RGS6: variants seen among roughly 807,000 people sequenced by gnomAD.
RGS6 encodes regulator of G-protein signaling 6.
RGS6 carries 30 observed loss-of-function variants against 78.5 expected under a neutral mutation model. That is an observed-to-expected ratio of 0.38 (90% CI 0.29 to 0.52). RGS6 has a LOEUF of 0.52. Among genes scored for constraint, RGS6 ranks in the 20% least tolerant of loss-of-function variants. The pLI is 0.85. For missense variants in RGS6, 495 were observed against 609.7 expected (o/e 0.81, Z 1.98); for synonymous variants, 206 against 206.0 (o/e 1.00, Z 0.00).
chr14:72,019,406 A>T lies in RGS6; in HGVS notation c.84+54531A>T, dbSNP rs2087859163. Among the ~76,000 whole-genome samples, 3 of 152,166 alleles carry T rather than the reference A, an allele frequency of 2.0e-5. No individual in the cohort carries two copies. In the South Asian group the frequency reaches 6.2e-4, roughly 31 times the overall value. On this transcript the variant is annotated intron_variant, in intron 2 of 17. Coordinates refer to ENST00000553525, the MANE Select transcript of RGS6 (RefSeq NM_001204424.2). Reference sequence around the variant, plus strand: ...TCATGCTTGTCTGTGAGAATTAGCAATTTTTTTCATGGATTTAAGTTCAAG... The same window carrying T: ...TCATGCTTGTCTGTGAGAATTAGCATTTTTTTTCATGGATTTAAGTTCAAG...
intron 2 of RGS6, among the ~76,000 whole-genome samples, chr14:72,005,431 C>T (rs1763773872): frequency 4.4e-5 from 1 of 22,914 alleles, no homozygotes; most frequent in African/African-American, 1.8e-4. Flanking sequence ...GATTACACAC[C>T]TGCATATCTC....
At chr14:71,911,569 T>C in the RGS6 span, among the ~76,000 whole-genome samples, 1 of 152,132 alleles carries the variant, frequency 6.6e-6, no homozygotes, top group South Asian at 2.1e-4. Flanking sequence ...CAGATGCAGG[T>C]CTTTGAGATT....
intron 2 of RGS6, among the ~76,000 whole-genome samples, chr14:72,260,138 T>C (rs2057876909): frequency 6.6e-6 from 1 of 152,192 alleles, no homozygotes; most frequent in South Asian, 2.1e-4. Context: ...AGTATGCTTT[T>C]AACTGTATAA....
At chr14:72,339,367 C>A (rs767812472) in intron 2 of RGS6, among the ~76,000 whole-genome samples, 28 of 152,174 alleles carry the variant, frequency 1.8e-4, no homozygotes, top group Non-Finnish European at 3.7e-4. Flanking sequence ...TACCAGCCTC[C>A]TGAACTGTGA....
the RGS6 span, among the ~76,000 whole-genome samples, chr14:72,599,337 A>G: frequency 6.7e-6 from 1 of 149,570 alleles, no homozygotes; most frequent in Admixed American, 6.7e-5. Context: ...CTGACTCCTA[A>G]GGTTCCTTCC....
the RGS6 span, among the ~76,000 whole-genome samples, chr14:72,589,982 G>T: frequency 1.4e-5 from 2 of 147,816 alleles, no homozygotes; most frequent in Non-Finnish European, 3.0e-5. Flanking sequence ...AGTGGCAAAA[G>T]ATTTGAACAG....
intron 2 of RGS6, among the ~76,000 whole-genome samples, chr14:72,093,697 A>G (rs1207247569): frequency 6.6e-6 from 1 of 152,144 alleles, no homozygotes; most frequent in African/African-American, 2.4e-5. Context: ...TTGTTGATGG[A>G]TATCTAGGTG....
chr14:72,489,951 C>A (rs1272103962), intron 12 of RGS6, among the ~76,000 whole-genome samples: 1 of 152,226 alleles, frequency 6.6e-6, no homozygotes, highest in African/African-American at 2.4e-5. Flanking sequence ...ATTCAATCAG[C>A]CCAAGTAGCT....
At chr14:72,557,662 A>T (rs560328729) in intron 17 of RGS6, among the ~76,000 whole-genome samples, 2 of 152,316 alleles carry the variant, frequency 1.3e-5, no homozygotes, top group East Asian at 3.9e-4. Flanking sequence ...AGCACGACTC[A>T]TCTCTCTCTG....
At chr14:72,395,188 AG>A (rs1400981704) in intron 3 of RGS6, among the ~76,000 whole-genome samples, 3 of 152,240 alleles carry the variant, frequency 2.0e-5, no homozygotes, top group African/African-American at 7.2e-5. Flanking sequence ...CTCATTTTAA[AG>A]GACTCAAGAG....
At chr14:72,578,523 TA>T in the RGS6 span, among the ~76,000 whole-genome samples, 1 of 152,222 alleles carries the variant, frequency 6.6e-6, no homozygotes, top group Non-Finnish European at 1.5e-5. Flanking sequence ...GTTTCCTGCT[TA>T]AAAACATCTC....
intron 3 of RGS6, among the ~76,000 whole-genome samples, chr14:72,379,475 A>G (rs570054866): frequency 6.6e-6 from 1 of 152,304 alleles, no homozygotes; most frequent in East Asian, 1.9e-4. Flanking sequence ...AAGTGAATTC[A>G]GTAAAGTTGC....
the RGS6 span, among the ~76,000 whole-genome samples, chr14:72,614,784 A>AAAAAAAAAAAAG: frequency 2.0e-5 from 3 of 150,754 alleles, no homozygotes; most frequent in Admixed American, 6.6e-5. Context: ...TCAGAAAAAA[A>AAAAAAAAAAAAG]AAAAAGAGTT....
intron 12 of RGS6, 24 bp from the exon 13 acceptor site, chr14:72,495,128 C>T: frequency 7.3e-7 from 1 of 1,362,026 alleles, no homozygotes; most frequent in Non-Finnish European, 1.1e-6. Flanking sequence ...CAGTGGCATT[C>T]TTTGCTCTGC....
chr14:72,482,874 G>A (rs1477741316), intron 12 of RGS6, among the ~76,000 whole-genome samples: 1 of 152,160 alleles, frequency 6.6e-6, no homozygotes, highest in African/African-American at 2.4e-5. Context: ...ACCACACCAG[G>A]AAATCAAATA....
At chr14:72,528,492 TATC>T (rs1439740872) in intron 15 of RGS6, among the ~76,000 whole-genome samples, 1 of 152,174 alleles carries the variant, frequency 6.6e-6, no homozygotes, top group Non-Finnish European at 1.5e-5. Flanking sequence ...AGCATTGGTT[TATC>T]ATCATATAGA....
At chr14:72,231,552 A>C (rs968385393) in intron 2 of RGS6, among the ~76,000 whole-genome samples, 4 of 152,222 alleles carry the variant, frequency 2.6e-5, no homozygotes, top group Non-Finnish European at 5.9e-5. Flanking sequence ...ATAAGCAGAC[A>C]ACTTCAGCAA....
intron 17 of RGS6, among the ~76,000 whole-genome samples, chr14:72,555,433 C>T (rs749830120): frequency 1.3e-5 from 2 of 152,204 alleles, no homozygotes; most frequent in Admixed American, 6.5e-5. Flanking sequence ...GAGGGGAAGC[C>T]GCTTCGCAGC....
chr14:71,899,165 G>T, the RGS6 span, among the ~76,000 whole-genome samples: 1 of 151,990 alleles, frequency 6.6e-6, no homozygotes, highest in Non-Finnish European at 1.5e-5. Context: ...AACCACACAG[G>T]TTGACTATAG....
Sources: gnomAD v4.1 joint callset for allele counts (sites outside exome capture counted in the v4.1 genomes callset) on GRCh38, gnomAD v4.1.1 for gene constraint, MANE v1.5 for transcripts, NCBI Gene and HGNC (gene_info 2026-07-23, HGNC 2026-07-21) for gene names.